EXOC2: variants seen among roughly 807,000 people sequenced by gnomAD.
EXOC2 encodes the protein exocyst complex component 2, also known as SEC5-like 1.
In EXOC2, 70 loss-of-function variants were observed where a neutral mutation model predicts 131.8. The observed-to-expected ratio is 0.53, with a 90% CI of 0.44 to 0.65. EXOC2 has a LOEUF of 0.65. Ranked by LOEUF, EXOC2 falls within the 30% of genes least tolerant of loss-of-function variation. The pLI is 0.00. For synonymous variants in EXOC2, 411 were observed against 398.4 expected, an observed-to-expected ratio of 1.03 and a Z score of -0.38; for missense variants, 923 against 1,108.6, an observed-to-expected ratio of 0.83 and a Z score of 2.38.
chr6:597,398 A>C (rs1759878774), intron 10 of EXOC2, among the ~76,000 whole-genome samples: 1 of 151,986 alleles, frequency 6.6e-6, no homozygotes, highest in African/African-American at 2.4e-5. Context: ...GCTGGTCTCA[A>C]ACTCCTGACC....
chr6:637,335 TCA>T (rs1171037680), intron 2 of EXOC2, among the ~76,000 whole-genome samples: 1 of 152,088 alleles, frequency 6.6e-6, no homozygotes, highest in African/African-American at 2.4e-5. Context: ...AAGGTGTAAT[TCA>T]CACAGCCCCT....
At chr6:677,099 CT>C in intron 1 of EXOC2, among the ~76,000 whole-genome samples, 1 of 53,150 alleles carries the variant, frequency 1.9e-5, no homozygotes, top group East Asian at 8.6e-3. Context: ...GAAAGGACAG[CT>C]TTCTCTGGAG....
chr6:581,474 C>G (rs990878735), intron 11 of EXOC2, among the ~76,000 whole-genome samples: 2 of 152,160 alleles, frequency 1.3e-5, no homozygotes, highest in African/African-American at 4.8e-5. Flanking sequence ...TGAGGAATAA[C>G]TACAGATTAC....
chr6:554,401 A>T (rs1278041253), intron 20 of EXOC2, among the ~76,000 whole-genome samples: 2 of 152,210 alleles, frequency 1.3e-5, no homozygotes, highest in Non-Finnish European at 2.9e-5. Flanking sequence ...TACTATGGAT[A>T]ATCTGTTAAC....
At position 494,441 on chromosome 6, in the gene EXOC2, GTT is replaced by G. The variant is rs11334291; in HGVS notation, c.2559+2924_2559+2925del. 4.6e-3 allele frequency among the ~76,000 whole-genome samples: 677 copies of G among 147,106 alleles called. 2 individuals are homozygous for G. Among genetic ancestry groups the G allele is most frequent in the East Asian group, 6.5e-3 (33 of 5,092 alleles). Reference sequence around the variant, plus strand: ...TAACTACAGTGGACTATTTGCACCCGTTTTTTTTTTTTTATAGTTAGAATGTA... The same window carrying G: ...TAACTACAGTGGACTATTTGCACCCGTTTTTTTTTTTATAGTTAGAATGTA... On this transcript the variant is annotated intron_variant, in intron 25 of 27. Transcript: ENST00000230449.
intron 15 of EXOC2, 99 bp from the exon 16 acceptor site, chr6:564,253 G>A (rs963396499): frequency 4.7e-6 from 7 of 1,495,762 alleles, no homozygotes; most frequent in African/African-American, 1.4e-5. Flanking sequence ...CGGAGCTTAC[G>A]AGCTACAGCA....
chr6:658,353 A>G (rs555317890), intron 1 of EXOC2, among the ~76,000 whole-genome samples: 1 of 152,266 alleles, frequency 6.6e-6, no homozygotes, highest in Admixed American at 6.5e-5. Flanking sequence ...ATACTGCTCC[A>G]GATGAATTCT....
chr6:603,127 T>C (rs1760193939), intron 7 of EXOC2, among the ~76,000 whole-genome samples: 1 of 152,206 alleles, frequency 6.6e-6, no homozygotes, highest in Admixed American at 6.5e-5. Flanking sequence ...TGCTCTCCAC[T>C]TGCTGTGAAT....
At chr6:516,904 C>G (rs1353683347) in intron 23 of EXOC2, among the ~76,000 whole-genome samples, 1 of 152,188 alleles carries the variant, frequency 6.6e-6, no homozygotes. Context: ...CACACCTTCC[C>G]CAGCGCCTCA....
In EXOC2 at chr6:657,764, C is replaced by CA. The variant is rs11319548; in HGVS notation, c.-43-19904dup. Among the ~76,000 whole-genome samples, 549 of 135,406 alleles carry CA rather than the reference C, an allele frequency of 4.1e-3. 3 individuals carry two copies. The highest frequency in any genetic ancestry group is 0.012 in the African/African-American group (453 of 36,916). 88.8% of individuals were successfully genotyped at this position (135,406 alleles called of 152,430 possible). A position where few individuals can be genotyped will look rare whatever the true frequency, so the allele number is the denominator to read the frequency against. The stretch of plus-strand genomic sequence containing the variant: ...GTTTTACCTGTAGCACTCTGGCAGG[C>CA]AAAAAAAAAAAAAAAAAATTCAACT... On this transcript the variant is annotated intron_variant, in intron 1 of 27. Coordinates refer to ENST00000230449, the MANE Select transcript of EXOC2 (RefSeq NM_018303.6).
chr6:568,688 C>T (rs1758110809), intron 13 of EXOC2, among the ~76,000 whole-genome samples: 1 of 152,176 alleles, frequency 6.6e-6, no homozygotes, highest in Admixed American at 6.5e-5. Flanking sequence ...AGGGCATATC[C>T]TCTGCTTGTA....
chr6:607,601 A>G (rs977811077), intron 7 of EXOC2, among the ~76,000 whole-genome samples: 6 of 152,254 alleles, frequency 3.9e-5, no homozygotes, highest in African/African-American at 1.4e-4. Flanking sequence ...AATTAAAATT[A>G]AATAAAAATT....
chr6:563,370 T>C (rs567990493), intron 16 of EXOC2, among the ~76,000 whole-genome samples: 2 of 152,332 alleles, frequency 1.3e-5, no homozygotes, highest in Non-Finnish European at 2.9e-5. Flanking sequence ...ATCCAACTTC[T>C]CACCTGGGTT....
intron 3 of EXOC2, 100 bp downstream of exon 3, chr6:632,841 T>C (rs1018165729): frequency 7.1e-6 from 8 of 1,123,182 alleles, no homozygotes; most frequent in South Asian, 6.3e-5. Flanking sequence ...AGTTGAGATA[T>C]GCAAGTAGGT....
chr6:511,527 T>C (rs1484801302), intron 23 of EXOC2, among the ~76,000 whole-genome samples: 1 of 152,264 alleles, frequency 6.6e-6, no homozygotes, highest in Non-Finnish European at 1.5e-5. Flanking sequence ...TCTGTTTAGA[T>C]GGCTAAAACC....
intron 13 of EXOC2, among the ~76,000 whole-genome samples, chr6:572,186 G>C (rs778298453): frequency 6.6e-6 from 1 of 152,166 alleles, no homozygotes; most frequent in African/African-American, 2.4e-5. Context: ...ACATCACCCA[G>C]AATTTGGCCT....
chr6:564,541 T>G lies in EXOC2; in HGVS notation c.1667+4A>C, dbSNP rs757904896. The G allele has an allele frequency of 3.0e-5, 48 of 1,614,020 alleles. No homozygotes were observed. In the Admixed American group the frequency reaches 4.0e-4, roughly 13 times the overall value. On this transcript the variant is annotated splice_donor_region_variant and intron_variant, in intron 15 of 27. Coordinates refer to ENST00000230449, the MANE Select transcript of EXOC2 (RefSeq NM_018303.6). The stretch of plus-strand genomic sequence containing the variant: ...CCTTTCTCTGAGAATGTGTCCATAC[T>G]CACCTTACAGTCTGGATGGCGTGAG...
chr6:578,466 G>A (rs1369967919), intron 11 of EXOC2, among the ~76,000 whole-genome samples: 3 of 152,174 alleles, frequency 2.0e-5, no homozygotes, highest in African/African-American at 7.2e-5. Context: ...GCTAAGCAGA[G>A]GAGGTAAATA....
chr6:593,597 G>A (rs1269107122), intron 10 of EXOC2, among the ~76,000 whole-genome samples: 1 of 152,148 alleles, frequency 6.6e-6, no homozygotes, highest in Non-Finnish European at 1.5e-5. Context: ...TTGGCCCTCA[G>A]CCCTCACAAA....
Sources: gnomAD v4.1 joint callset for allele counts (sites outside exome capture counted in the v4.1 genomes callset) on GRCh38, gnomAD v4.1.1 for gene constraint, MANE v1.5 for transcripts, NCBI Gene and HGNC (gene_info 2026-07-23, HGNC 2026-07-21) for gene names.